Variants in TCF12 observed in about 807,000 individuals in gnomAD.
TCF12 encodes transcription factor 12, also known as DNA-binding protein HTF4.
In TCF12, 45 loss-of-function variants were observed where a neutral mutation model predicts 86.0. That is an observed-to-expected ratio of 0.52 (90% CI 0.41 to 0.67). The LOEUF (loss-of-function observed/expected upper bound fraction) is 0.67. TCF12 is among the 30% of genes least tolerant of loss of function. The pLI is 0.00. For missense variants in TCF12, 881 were observed against 859.9 expected (o/e 1.02, Z -0.31); for synonymous variants, 330 against 299.6 (o/e 1.10, Z -1.05).
At chr15:56,962,126 C>A (rs2061787389) in intron 3 of TCF12, among the ~76,000 whole-genome samples, 1 of 131,868 alleles carries the variant, frequency 7.6e-6, no homozygotes, top group Non-Finnish European at 1.6e-5. Flanking sequence ...GAGCGAGACT[C>A]CGTCTCAAAA....
intron 18 of TCF12, 58 bp from the exon 19 acceptor site, chr15:57,272,972 T>A (rs1355832643): frequency 4.7e-6 from 7 of 1,482,776 alleles, no homozygotes; most frequent in Non-Finnish European, 6.5e-6. Flanking sequence ...TTGTGCACAA[T>A]CAGCATATCT....
chr15:56,919,880 C>T lies in TCF12; in HGVS notation c.-22-12C>T, dbSNP rs757882620. ...CGGTGGTCTCTCGCTGAGCCCGTTT[C>T]CTCTGCCCTAGGACCTGCTAGAAGT... On this transcript the variant is annotated splice_polypyrimidine_tract_variant and intron_variant, in intron 1 of 20. Coordinates refer to ENST00000333725, the MANE Select transcript of TCF12 (RefSeq NM_207037.2). 28 of 1,612,966 alleles carry T rather than the reference C, an allele frequency of 1.7e-5. No individual in the cohort carries two copies. Among genetic ancestry groups the T allele is most frequent in the Non-Finnish European group, 2.3e-5 (27 of 1,179,294 alleles).
At chr15:57,090,638 C>G (rs1220886162) in intron 4 of TCF12, among the ~76,000 whole-genome samples, 1 of 152,136 alleles carries the variant, frequency 6.6e-6, no homozygotes, top group African/African-American at 2.4e-5. Flanking sequence ...CATTAATGTC[C>G]TCTTAAATGG....
chr15:57,289,740 T>C lies in TCF12; in HGVS notation c.*3595T>C, dbSNP rs1458876654. On this transcript the variant is annotated 3_prime_UTR_variant, in exon 21 of 21. Coordinates refer to ENST00000333725, the MANE Select transcript of TCF12 (RefSeq NM_207037.2). ...CCTATCTGAAAAATGGAGATAACAT[T>C]AGAATTGTGTAAGTATTGAATGAAA... The C allele has an allele frequency of 2.0e-5, 3 of 152,130 alleles. No individual in the cohort carries two copies. Among genetic ancestry groups the C allele is most frequent in the Non-Finnish European group, 1.5e-5 (1 of 68,026 alleles). The allele number at this position is 152,130 out of a possible 1,614,324, so 9.4% of individuals were successfully genotyped here. A position where few individuals can be genotyped will look rare whatever the true frequency, so the allele number is the denominator to read the frequency against.
intron 4 of TCF12, among the ~76,000 whole-genome samples, chr15:57,065,648 G>C: frequency 1.0e-5 from 1 of 96,044 alleles, no homozygotes; most frequent in Admixed American, 1.7e-4. Flanking sequence ...CCCCCCTTGA[G>C]TGCTGCATAG....
intron 3 of TCF12, among the ~76,000 whole-genome samples, chr15:57,035,566 C>A (rs1422905242): frequency 6.6e-6 from 1 of 152,144 alleles, no homozygotes; most frequent in African/African-American, 2.4e-5. Context: ...TAGTGCCCAG[C>A]CTCTGAAACA....
intron 3 of TCF12, among the ~76,000 whole-genome samples, chr15:56,981,637 C>A (rs2062897642): frequency 6.6e-6 from 1 of 152,140 alleles, no homozygotes; most frequent in South Asian, 2.1e-4. Flanking sequence ...TCTGACTCCC[C>A]ACACAGCAAA....
chr15:57,210,638 C>A (rs1385361451), intron 8 of TCF12, among the ~76,000 whole-genome samples: 1 of 152,126 alleles, frequency 6.6e-6, no homozygotes, highest in Admixed American at 6.6e-5. Context: ...TTCATATAAT[C>A]TTTATTCCCA....
At chr15:56,927,114 A>G (rs1018649469) in intron 3 of TCF12, among the ~76,000 whole-genome samples, 2 of 152,216 alleles carry the variant, frequency 1.3e-5, no homozygotes, top group African/African-American at 2.4e-5. Flanking sequence ...TCAAGATTGC[A>G]GTTCTGACAT....
chr15:57,252,239 C>G, intron 14 of TCF12, 182 bp from the exon 15 acceptor site: 1 of 535,106 alleles, frequency 1.9e-6, no homozygotes, highest in Admixed American at 3.5e-5. Flanking sequence ...TGTTTAGATG[C>G]TAACCTTGTA....
At chr15:57,140,795 T>G (rs760550678) in intron 5 of TCF12, among the ~76,000 whole-genome samples, 1 of 152,194 alleles carries the variant, frequency 6.6e-6, no homozygotes, top group African/African-American at 2.4e-5. Flanking sequence ...CAATTTACAT[T>G]GCAAACCCAG....
At chr15:57,161,584 C>G (rs1232709571) in intron 5 of TCF12, among the ~76,000 whole-genome samples, 1 of 152,108 alleles carries the variant, frequency 6.6e-6, no homozygotes, top group African/African-American at 2.4e-5. Flanking sequence ...TAATATGTTG[C>G]TATTCTACTA....
chr15:56,933,888 T>C (rs1216476728), intron 3 of TCF12, among the ~76,000 whole-genome samples: 1 of 151,748 alleles, frequency 6.6e-6, no homozygotes, highest in Non-Finnish European at 1.5e-5. Context: ...TAATATGTAA[T>C]TTACATATTA....
chr15:57,072,729 T>C (rs1355949865), intron 4 of TCF12: 1 of 1,295,128 alleles, frequency 7.7e-7, no homozygotes, highest in African/African-American at 1.5e-5. Context: ...GTGTTTTCTA[T>C]ATATTGCATC....
chr15:56,961,916 G>A (rs546489728), intron 3 of TCF12, among the ~76,000 whole-genome samples: 19 of 152,210 alleles, frequency 1.2e-4, no homozygotes, highest in Middle Eastern at 6.8e-3. Flanking sequence ...GCCGAGGTGG[G>A]TGGATCACGA....
intron 3 of TCF12, among the ~76,000 whole-genome samples, chr15:57,000,469 A>G (rs1280130683): frequency 6.6e-6 from 1 of 152,216 alleles, no homozygotes; most frequent in Non-Finnish European, 1.5e-5. Context: ...AAAGTTTATC[A>G]AAATTTGTGA....
At chr15:57,158,566 A>G (rs1337519354) in intron 5 of TCF12, among the ~76,000 whole-genome samples, 3 of 152,178 alleles carry the variant, frequency 2.0e-5, no homozygotes. Context: ...TTGGCATTTT[A>G]GCACTTCTGC....
chr15:57,166,364 G>A, intron 5 of TCF12, 38 bp from the exon 6 acceptor site: 4 of 1,548,822 alleles, frequency 2.6e-6, no homozygotes, highest in Non-Finnish European at 3.5e-6. Context: ...GTCAATAAAT[G>A]AAGGGTTTTA....
chr15:57,273,037 A>G lies in TCF12; in HGVS notation c.1753A>G (p.Asn585Asp). ...TGTTACTTTATTTTCTAGCAGTACT[A>G]ATGAAGATGAGGATTTGAACCCTGA... is the stretch of plus-strand genomic sequence containing the variant. Reference protein sequence around the residue: ...VSSRGRTSSTNEDEDLNPEQK... With the variant: ...VSSRGRTSSTDEDEDLNPEQK... The change falls in exon 19 of 21, where the codon AAT becomes GAT. Residue 585 changes from asparagine to aspartate, a missense_variant. Transcript: ENST00000333725. 1 of 1,614,058 alleles carries G rather than the reference A, an allele frequency of 6.2e-7. No individual in the cohort carries two copies. Among genetic ancestry groups the G allele is most frequent in the Non-Finnish European group, 8.5e-7 (1 of 1,179,932 alleles).
Sources: allele counts gnomAD v4.1 joint callset (sites outside exome capture counted in the v4.1 genomes callset), GRCh38; gene constraint gnomAD v4.1.1; transcripts MANE v1.5; gene names NCBI Gene and HGNC (gene_info 2026-07-23, HGNC 2026-07-21).